NELL1: variants seen among roughly 807,000 people sequenced by gnomAD.
NELL1 encodes the protein neural EGFL like 1.
A neutral mutation model predicts 107.4 loss-of-function variants in NELL1; 76 were observed. That is an observed-to-expected ratio of 0.71 (90% CI 0.59 to 0.86). NELL1 has a LOEUF of 0.86. Among genes scored for constraint, NELL1 ranks in the 40% least tolerant of loss-of-function variants. The pLI is 0.00. For synonymous variants in NELL1, 353 were observed against 341.2 expected (o/e 1.03, Z -0.38); for missense variants, 1,024 against 1,005.5 (o/e 1.02, Z -0.25).
chr11:20,721,685 C>G (rs1855391914), intron 2 of NELL1, among the ~76,000 whole-genome samples: 1 of 152,096 alleles, frequency 6.6e-6, no homozygotes, highest in African/African-American at 2.4e-5. Flanking sequence ...TGGTCACAGT[C>G]TAGCATAATA....
intron 12 of NELL1, among the ~76,000 whole-genome samples, chr11:21,071,035 C>A (rs2134378771): frequency 6.6e-6 from 1 of 152,238 alleles, no homozygotes; most frequent in African/African-American, 2.4e-5. Flanking sequence ...TTCATATAGT[C>A]CAGGTTTGCC....
At chr11:21,536,281 CTCAG>C (rs1856135469) in intron 16 of NELL1, among the ~76,000 whole-genome samples, 1 of 151,990 alleles carries the variant, frequency 6.6e-6, no homozygotes, top group Admixed American at 6.6e-5. Context: ...TCAGGCAGTC[CTCAG>C]TATCTTTTGT....
chr11:20,775,579 G>C (rs928057563), intron 2 of NELL1, among the ~76,000 whole-genome samples: 1 of 152,098 alleles, frequency 6.6e-6, no homozygotes, highest in Non-Finnish European at 1.5e-5. Context: ...ACTGAGATGC[G>C]GTGGGAGGTA....
intron 10 of NELL1, among the ~76,000 whole-genome samples, chr11:20,941,148 TAAAAC>T (rs952060743): frequency 6.6e-6 from 1 of 151,842 alleles, no homozygotes; most frequent in African/African-American, 2.4e-5. Flanking sequence ...CAAAAAAAAG[TAAAAC>T]AAAACAAAAC....
chr11:20,896,983 T>C (rs369088990), intron 5 of NELL1, among the ~76,000 whole-genome samples: 3 of 152,090 alleles, frequency 2.0e-5, no homozygotes, highest in Non-Finnish European at 2.9e-5. Context: ...AATGGCCATA[T>C]TGCCCAAGGT....
intron 13 of NELL1, among the ~76,000 whole-genome samples, chr11:21,119,730 C>T (rs1287942408): frequency 6.6e-6 from 1 of 151,926 alleles, no homozygotes; most frequent in East Asian, 1.9e-4. Context: ...GGAAGAGGTC[C>T]CTGAAATGGA....
intron 14 of NELL1, among the ~76,000 whole-genome samples, chr11:21,246,969 A>G (rs1330750820): frequency 6.6e-6 from 1 of 152,196 alleles, no homozygotes; most frequent in South Asian, 2.1e-4. Context: ...CTCCCACAAC[A>G]TGTGGGAATT....
At chr11:21,538,180 A>C in intron 16 of NELL1, among the ~76,000 whole-genome samples, 1 of 152,108 alleles carries the variant, frequency 6.6e-6, no homozygotes, top group South Asian at 2.1e-4. Context: ...AGACAATGGC[A>C]TATGTTATCA....
At chr11:21,470,420 C>T (rs1854146419) in intron 15 of NELL1, among the ~76,000 whole-genome samples, 1 of 152,026 alleles carries the variant, frequency 6.6e-6, no homozygotes, top group South Asian at 2.1e-4. Context: ...ACCATTCAAA[C>T]ATGTTTCCCA....
At chr11:21,134,607 T>A (rs1855701827) in intron 13 of NELL1, among the ~76,000 whole-genome samples, 3 of 152,188 alleles carry the variant, frequency 2.0e-5, no homozygotes, top group African/African-American at 7.2e-5. Flanking sequence ...TCAGATTCTC[T>A]TTTGTGCACT....
intron 14 of NELL1, among the ~76,000 whole-genome samples, chr11:21,272,462 A>G (rs1848760838): frequency 6.6e-6 from 1 of 152,040 alleles, no homozygotes; most frequent in Admixed American, 6.5e-5. Context: ...GCCTCTGTAG[A>G]CTCTACCTCT....
intron 3 of NELL1, among the ~76,000 whole-genome samples, chr11:20,791,730 G>GTT (rs368213562): frequency 0.11 from 8,994 of 79,248 alleles, 410 homozygotes; most frequent in Middle Eastern, 0.25. Flanking sequence ...CAGTCTGGAG[G>GTT]TTTTTTTTTT....
intron 11 of NELL1, among the ~76,000 whole-genome samples, chr11:20,956,490 C>G (rs1028021247): frequency 1.3e-5 from 2 of 151,114 alleles, no homozygotes; most frequent in African/African-American, 4.9e-5. Flanking sequence ...ACTAAAAATA[C>G]AAAAAATTAG....
At chr11:20,995,560 A>G (rs939411402) in intron 12 of NELL1, among the ~76,000 whole-genome samples, 3 of 151,270 alleles carry the variant, frequency 2.0e-5, no homozygotes, top group Admixed American at 2.0e-4. Context: ...CCTGAGCAGC[A>G]GAGCGAGACT....
At chr11:21,058,620 A>G in intron 12 of NELL1, among the ~76,000 whole-genome samples, 1 of 152,132 alleles carries the variant, frequency 6.6e-6, no homozygotes, top group Admixed American at 6.5e-5. Context: ...CCTACTAGTA[A>G]AGAAGGGTGA....
rs1366577910 is a variant in NELL1, at chr11:20,738,787, C to A, written c.185-44893C>A. 2.0e-5 allele frequency among the ~76,000 whole-genome samples: 3 copies of A among 152,102 alleles called. No individual in the cohort carries two copies. The East Asian group carries it at 5.8e-4, about 29-fold the overall frequency. On this transcript the variant is annotated intron_variant, in intron 2 of 19. Transcript: ENST00000357134. The stretch of plus-strand genomic sequence containing the variant: ...CTTTTCCTGCTAGAGGACGAGAAGC[C>A]AGATTTGAAAGATGGGACCTATTTC...
chr11:21,275,450 C>T (rs1467200599), intron 14 of NELL1, among the ~76,000 whole-genome samples: 3 of 152,148 alleles, frequency 2.0e-5, no homozygotes, highest in East Asian at 1.9e-4. Flanking sequence ...GATGGATTCA[C>T]AGCCGAATTC....
At chr11:21,540,223 T>C (rs1231266199) in intron 16 of NELL1, among the ~76,000 whole-genome samples, 1 of 152,076 alleles carries the variant, frequency 6.6e-6, no homozygotes, top group Non-Finnish European at 1.5e-5. Flanking sequence ...TTGAAATATA[T>C]AGTACATTGT....
At chr11:20,707,189 C>A (rs527719263) in intron 2 of NELL1, among the ~76,000 whole-genome samples, 1 of 152,178 alleles carries the variant, frequency 6.6e-6, no homozygotes, top group Non-Finnish European at 1.5e-5. Flanking sequence ...ACGTAGTTCT[C>A]CTGCCATGGT....
Sources: allele counts gnomAD v4.1 joint callset (sites outside exome capture counted in the v4.1 genomes callset), GRCh38; gene constraint gnomAD v4.1.1; transcripts MANE v1.5; gene names NCBI Gene and HGNC (gene_info 2026-07-23, HGNC 2026-07-21).